The following ATRNL1 variants were observed in gnomAD, a reference collection of about 807,000 sequenced individuals.
ATRNL1 encodes the protein attractin-like protein 1.
Under a neutral mutation model 182.7 loss-of-function variants are expected in ATRNL1, and 95 were observed. The ratio of observed to expected loss-of-function variants is 0.52; its 90% CI spans 0.44 to 0.62. The LOEUF is 0.62. Among genes scored for constraint, ATRNL1 ranks in the 20% least tolerant of loss-of-function variants. The probability of loss-of-function intolerance (pLI) is 0.00; values close to 1 mark genes in which losing one functional copy is unlikely to be tolerated. For synonymous variants in ATRNL1, 576 were observed against 568.3 expected, an observed-to-expected ratio of 1.01 and a Z score of -0.19; for missense variants, 1,471 against 1,679.5, an observed-to-expected ratio of 0.88 and a Z score of 2.17.
intron 1 of ATRNL1, among the ~76,000 whole-genome samples, chr10:115,108,437 C>T (rs192524523): frequency 6.6e-5 from 10 of 152,202 alleles, no homozygotes; most frequent in East Asian, 3.9e-4. Flanking sequence ...GGTCTCTGAT[C>T]GGAAAGGACT....
rs782025858 is a variant in ATRNL1, at chr10:115,621,313, AGTGTGT to A, written c.3795+71779_3795+71784del. On this transcript the variant is annotated intron_variant, in intron 26 of 28. Transcript: ENST00000355044. ...GAGAGAGAGAGAGAGAGAGAGAGAG[AGTGTGT>A]GAGTGAGTCAGCATCTTACTTGTCA... 2.1e-3 allele frequency among the ~76,000 whole-genome samples: 157 copies of A among 74,004 alleles called. 1 individual carries two copies. The highest frequency in any genetic ancestry group is 5.5e-3 in the African/African-American group (131 of 23,658). The allele number at this position is 74,004 out of a possible 152,430, so 48.5% of individuals were successfully genotyped here. A position where few individuals can be genotyped will look rare whatever the true frequency, so the allele number is the denominator to read the frequency against.
intron 5 of ATRNL1, among the ~76,000 whole-genome samples, chr10:115,133,065 G>T (rs1845330677): frequency 6.6e-6 from 1 of 152,170 alleles, no homozygotes. Flanking sequence ...ATGGTTTTCA[G>T]TCCAACATTT....
At chr10:115,128,776 G>A (rs928033631) in intron 4 of ATRNL1, among the ~76,000 whole-genome samples, 1 of 149,582 alleles carries the variant, frequency 6.7e-6, no homozygotes, top group African/African-American at 2.5e-5. Context: ...TCAGTGAGCC[G>A]AGATCGCACC....
intron 24 of ATRNL1, among the ~76,000 whole-genome samples, chr10:115,487,625 T>G (rs1225395007): frequency 1.3e-5 from 2 of 152,200 alleles, no homozygotes; most frequent in African/African-American, 4.8e-5. Context: ...TAAGGAGTTT[T>G]TGGACGGAGA....
intron 20 of ATRNL1, among the ~76,000 whole-genome samples, chr10:115,420,288 C>A (rs1361907400): frequency 3.9e-5 from 6 of 152,068 alleles, no homozygotes; most frequent in African/African-American, 1.4e-4. Context: ...AGGTGATCCA[C>A]CTGCCTCGGC....
chr10:115,630,343 A>G (rs1858402707), intron 26 of ATRNL1, among the ~76,000 whole-genome samples: 4 of 152,110 alleles, frequency 2.6e-5, no homozygotes, highest in Admixed American at 2.6e-4. Context: ...GATGCCTGTT[A>G]TCAAAAAATA....
chr10:115,545,478 A>G (rs1292921693), intron 25 of ATRNL1, among the ~76,000 whole-genome samples: 2 of 152,130 alleles, frequency 1.3e-5, no homozygotes, highest in African/African-American at 2.4e-5. Context: ...TCTGACACAA[A>G]CCCTTAAAGT....
In ATRNL1 at chr10:115,316,576, TG is replaced by T. The variant is rs148631606; in HGVS notation, c.3037+841del. Reference sequence around the variant, plus strand: ...TCTCCACAGCCTCGCTAACATCTATTGTTTCTTGACTTTTTAATAATCGCCA... The same window carrying T: ...TCTCCACAGCCTCGCTAACATCTATTTTTCTTGACTTTTTAATAATCGCCA... On this transcript the variant is annotated intron_variant, in intron 18 of 28. Transcript: ENST00000355044. 8.5e-3 allele frequency among the ~76,000 whole-genome samples: 1,290 copies of T among 152,278 alleles called. 10 individuals are homozygous for T. The highest frequency in any genetic ancestry group is 0.014 in the Non-Finnish European group (930 of 68,022).
At position 115,822,457 on chromosome 10, in the gene ATRNL1, C is replaced by T. The variant is rs535355278; in HGVS notation, c.3904-25420C>T. Among the ~76,000 whole-genome samples, 15 of 151,936 alleles carry T rather than the reference C, an allele frequency of 9.9e-5. No individual in the cohort carries two copies. The East Asian group carries it at 2.1e-3, about 22-fold the overall frequency. ...AGCAGAACTGAAGGAGATAGAGAGA[C>T]GAAAAACCCTTCAAAAAAATCAGTG... On this transcript the variant is annotated intron_variant, in intron 27 of 28. Coordinates refer to ENST00000355044, the MANE Select transcript of ATRNL1 (RefSeq NM_207303.4).
intron 13 of ATRNL1, among the ~76,000 whole-genome samples, chr10:115,278,457 G>A (rs1409871394): frequency 6.6e-6 from 1 of 152,208 alleles, no homozygotes; most frequent in East Asian, 1.9e-4. Context: ...AAAAGGAAGT[G>A]ACGTTTAGGA....
At chr10:115,867,729 A>AT in intron 28 of ATRNL1, among the ~76,000 whole-genome samples, 1 of 35,774 alleles carries the variant, frequency 2.8e-5, no homozygotes, top group East Asian at 1.1e-3. Context: ...CCACCCTGTG[A>AT]ATTTTTTTTT....
At chr10:115,715,407 T>TA (rs1947218021) in intron 26 of ATRNL1, among the ~76,000 whole-genome samples, 1 of 152,164 alleles carries the variant, frequency 6.6e-6, no homozygotes, top group Non-Finnish European at 1.5e-5. Flanking sequence ...TCCATATACC[T>TA]TATCTGTCCT....
rs140454439 is a variant in ATRNL1 at position 115,870,532 on chromosome 10, A to G, written c.4018+22541A>G. Among the ~76,000 whole-genome samples, 5 of 152,338 alleles carry G rather than the reference A, an allele frequency of 3.3e-5. No individual in the cohort carries two copies. The East Asian group carries it at 9.6e-4, about 29-fold the overall frequency. On this transcript the variant is annotated intron_variant, in intron 28 of 28. Coordinates refer to ENST00000355044, the MANE Select transcript of ATRNL1 (RefSeq NM_207303.4). ...GTAAGCACTGGTTATCTGGGACCCA[A>G]CTGCTCCTGAAGGACTAACCCCTGA...
Position 115,398,729 on chromosome 10 carries a change from T to C in ATRNL1, c.3269+3977T>C, listed in dbSNP as rs1025795730. ...TTTGCCTGACTGCCCTGGTGAGAAC[T>C]TCAGATACTATGTTGAATGGAAGTG... is the stretch of plus-strand genomic sequence containing the variant. On this transcript the variant is annotated intron_variant, in intron 20 of 28. Coordinates refer to ENST00000355044, the MANE Select transcript of ATRNL1 (RefSeq NM_207303.4). Among the ~76,000 whole-genome samples the C allele has an allele frequency of 2.0e-5, 3 of 152,196 alleles. No homozygotes were observed. The South Asian group carries it at 6.2e-4, about 32-fold the overall frequency.
rs115321596 is a variant in ATRNL1, at chr10:115,776,888, G to A, written c.3903+49533G>A. Among the ~76,000 whole-genome samples the A allele has an allele frequency of 8.8e-3, 1,343 of 152,226 alleles. 19 individuals carry two copies. Among genetic ancestry groups the A allele is most frequent in the African/African-American group, 0.03 (1,257 of 41,542 alleles). On this transcript the variant is annotated intron_variant, in intron 27 of 28. Transcript: ENST00000355044. ...GTGCAGGAGAAGGGCCAGGCGCGGCGGCTCACACCTGTAATCCCAGCACTT... is the reference window on the plus strand; with the variant it reads ...GTGCAGGAGAAGGGCCAGGCGCGGCAGCTCACACCTGTAATCCCAGCACTT...
At chr10:115,595,606 A>C (rs1555013729) in intron 26 of ATRNL1, among the ~76,000 whole-genome samples, 1 of 152,116 alleles carries the variant, frequency 6.6e-6, no homozygotes, top group East Asian at 1.9e-4. Context: ...ACTTACTTGG[A>C]GTGGCTGGAT....
chr10:115,426,363 A>AGT, intron 21 of ATRNL1, 61 bp downstream of exon 21: 1 of 1,250,416 alleles, frequency 8.0e-7, no homozygotes, highest in Non-Finnish European at 1.1e-6. Context: ...TTCAAATAAT[A>AGT]AAGGTCATCT....
chr10:115,148,582 T>C (rs1846070161), intron 5 of ATRNL1, among the ~76,000 whole-genome samples: 4 of 152,026 alleles, frequency 2.6e-5, no homozygotes, highest in Admixed American at 2.0e-4. Context: ...TTTGGGGAAA[T>C]AGCCAAGGTT....
In ATRNL1 at chr10:115,227,531, C is replaced by CT. The variant is rs376852870; in HGVS notation, c.1532+11652dup. 1.2e-3 allele frequency among the ~76,000 whole-genome samples: 189 copies of CT among 152,236 alleles called. 2 individuals are homozygous for CT. Among genetic ancestry groups the CT allele is most frequent in the African/African-American group, 3.8e-3 (157 of 41,558 alleles). On this transcript the variant is annotated intron_variant, in intron 9 of 28. Coordinates refer to ENST00000355044, the MANE Select transcript of ATRNL1 (RefSeq NM_207303.4). ...TTTGGAGATTTCTTAAAGAACTGAG[C>CT]TACCATTTGACCCAGCAATCCCATT...
Sources: gnomAD v4.1 joint callset for allele counts (sites outside exome capture counted in the v4.1 genomes callset) on GRCh38, gnomAD v4.1.1 for gene constraint, MANE v1.5 for transcripts, NCBI Gene and HGNC (gene_info 2026-07-23, HGNC 2026-07-21) for gene names.